The following SDF4 variants were observed in gnomAD, a reference collection of about 807,000 sequenced individuals.
SDF4 encodes the protein stromal cell derived factor 4, also known as 45 kDa calcium-binding protein.
SDF4 carries 22 observed loss-of-function variants against 34.2 expected under a neutral mutation model. The ratio of observed to expected loss-of-function variants is 0.64; its 90% confidence interval spans 0.46 to 0.92. The LOEUF (loss-of-function observed/expected upper bound fraction) is 0.92. SDF4 is among the 40% of genes least tolerant of loss of function. The probability of loss-of-function intolerance (pLI) is 0.00; values close to 1 mark genes in which losing one functional copy is unlikely to be tolerated. For missense variants in SDF4, 447 were observed against 499.9 expected, an observed-to-expected ratio of 0.89 and a Z score of 1.01; for synonymous variants, 236 against 203.1, an observed-to-expected ratio of 1.16 and a Z score of -1.38.
At chr1:1,219,909 T>G in intron 4 of SDF4, 2 of 984,058 alleles carry the variant, frequency 2.0e-6, no homozygotes, top group Non-Finnish European at 2.4e-6. Context: ...TGCCGTCCCA[T>G]CTTATCCCTT....
At chr1:1,219,352 G>A (rs1332385221) in intron 4 of SDF4, 3 of 1,109,738 alleles carry the variant, frequency 2.7e-6, no homozygotes, top group Non-Finnish European at 2.2e-6. Context: ...GACCACCCCA[G>A]GACACAGCTC....
At chr1:1,227,751 G>A (rs1237497979) in intron 2 of SDF4, among the ~76,000 whole-genome samples, 1 of 152,206 alleles carries the variant, frequency 6.6e-6, no homozygotes, top group African/African-American at 2.4e-5. Context: ...TTGTGGGTGA[G>A]TGGTCAGGTT....
At chr1:1,226,762 C>A (rs1282277268) in intron 2 of SDF4, among the ~76,000 whole-genome samples, 3 of 152,220 alleles carry the variant, frequency 2.0e-5, no homozygotes, top group African/African-American at 4.8e-5. Flanking sequence ...GTTACAGGCA[C>A]CAAAAAGAAA....
At chr1:1,220,088 C>A (rs545273953) in intron 4 of SDF4, 22 of 986,756 alleles carry the variant, frequency 2.2e-5, no homozygotes, top group Non-Finnish European at 2.6e-5. Context: ...CCAGACAGGC[C>A]GGCCGAGAGA....
chr1:1,220,901 G>T, intron 4 of SDF4: 1 of 494,822 alleles, frequency 2.0e-6, no homozygotes, highest in Non-Finnish European at 3.6e-6. Context: ...GGACCGGGGT[G>T]GAGGCACGAA....
chr1:1,220,782 C>G (rs1376433888), intron 4 of SDF4: 1 of 1,287,558 alleles, frequency 7.8e-7, no homozygotes, highest in African/African-American at 1.5e-5. Context: ...CAGACACAAT[C>G]AGAGTTGGGG....
chr1:1,228,839 C>A lies in SDF4; in HGVS notation c.-67G>T. ...GGCCAGGTGCTGGGAGGGGCAGGGG[C>A]AGGGGCAGAGGAGGAAGTGAGGTCC... On this transcript the variant is annotated 5_prime_UTR_variant, in exon 2 of 7. Transcript: ENST00000360001. The A allele has an allele frequency of 6.9e-7, 1 of 1,440,488 alleles. No homozygotes were observed. Among genetic ancestry groups the A allele is most frequent in the Non-Finnish European group, 9.4e-7 (1 of 1,066,524 alleles). The allele number at this position is 1,440,488 out of a possible 1,614,324, so 89.2% of individuals were successfully genotyped here.
At position 1,218,660 on chromosome 1, in the gene SDF4, C is replaced by T; in HGVS notation, c.716-27G>A. On this transcript the variant is annotated intron_variant, in intron 5 of 6. Transcript: ENST00000360001. This position sits in a 1 kb window ranked among gnomAD's most constrained non-coding sequence, Gnocchi z 7.9. Reference sequence around the variant, plus strand: ...TGCGAGACGGGAATGGGTCAGCCCACACCCAGGCTGGGGCTCCCGCAGGAC... The same window carrying T: ...TGCGAGACGGGAATGGGTCAGCCCATACCCAGGCTGGGGCTCCCGCAGGAC... 1.2e-6 allele frequency: 2 copies of T among 1,613,152 alleles called. No homozygotes were observed. Among genetic ancestry groups the T allele is most frequent in the Non-Finnish European group, 1.7e-6 (2 of 1,179,608 alleles).
chr1:1,219,684 C>T, intron 4 of SDF4: 2 of 986,442 alleles, frequency 2.0e-6, no homozygotes, highest in Non-Finnish European at 1.2e-6. Flanking sequence ...ACCCCGAGGT[C>T]CCCACACATC....
rs943767553 is a variant in SDF4, at chr1:1,228,346, C to A, written c.305+122G>T. 9.6e-6 allele frequency: 11 copies of A among 1,145,746 alleles called. No homozygotes were observed. The South Asian group carries it at 1.6e-4, about 17-fold the overall frequency. The allele number at this position is 1,145,746 out of a possible 1,614,324, so 71.0% of individuals were successfully genotyped here. On this transcript the variant is annotated intron_variant, in intron 2 of 6. Coordinates refer to ENST00000360001, the MANE Select transcript of SDF4 (RefSeq NM_016176.6). ...GAAGTGGCGCTCATCACCGGCACGT[C>A]TTCCCAGCCCGGCAGGTCCCGACAC...
chr1:1,228,357 G>A lies in SDF4; in HGVS notation c.305+111C>T, dbSNP rs72894051. ...CATCACCGGCACGTCTTCCCAGCCC[G>A]GCAGGTCCCGACACAGGGCCCGGCG... On this transcript the variant is annotated intron_variant, in intron 2 of 6. Coordinates refer to ENST00000360001, the MANE Select transcript of SDF4 (RefSeq NM_016176.6). 534 of 1,225,984 alleles carry A rather than the reference G, an allele frequency of 4.4e-4. 4 individuals are homozygous for A. The African/African-American group carries it at 5.0e-3, about 11-fold the overall frequency. 75.9% of individuals were successfully genotyped at this position (1,225,984 alleles called of 1,614,324 possible).
chr1:1,228,898 G>T lies in SDF4; in HGVS notation c.-126C>A, dbSNP rs1484471895. On this transcript the variant is annotated 5_prime_UTR_variant, in exon 2 of 7. Transcript: ENST00000360001. ...ATCCAATCCCCGGGCACCACGGAGGGCTCTGTGTCCCCAGGACGGCCGCAG... is the reference window on the plus strand; with the variant it reads ...ATCCAATCCCCGGGCACCACGGAGGTCTCTGTGTCCCCAGGACGGCCGCAG... The T allele has an allele frequency of 2.3e-6, 2 of 872,156 alleles. No individual in the cohort carries two copies. Among genetic ancestry groups the T allele is most frequent in the African/African-American group, 3.4e-5 (2 of 59,362 alleles). The allele number at this position is 872,156 out of a possible 1,614,324, so 54.0% of individuals were successfully genotyped here.
chr1:1,222,379 C>T (rs779874415), intron 4 of SDF4, among the ~76,000 whole-genome samples: 2 of 152,214 alleles, frequency 1.3e-5, no homozygotes, highest in Non-Finnish European at 2.9e-5. Context: ...GTGCCGGGCC[C>T]CACCCGGCCC....
chr1:1,228,073 G>C (rs1638369502), intron 2 of SDF4, among the ~76,000 whole-genome samples: 2 of 152,210 alleles, frequency 1.3e-5, no homozygotes, highest in African/African-American at 4.8e-5. Flanking sequence ...GCCACCTGTG[G>C]CAGCCCCTCA....
At chr1:1,221,046 G>A (rs1230836027) in intron 4 of SDF4, 2 of 334,564 alleles carry the variant, frequency 6.0e-6, no homozygotes, top group Non-Finnish European at 1.2e-5. Flanking sequence ...CTTTAGCCCA[G>A]GACTTTGAGA....
chr1:1,228,944 A>G lies in SDF4; in HGVS notation c.-172T>C. 2 of 611,586 alleles carry G rather than the reference A, an allele frequency of 3.3e-6. No homozygotes were observed. The highest frequency in any genetic ancestry group is 5.8e-6 in the Non-Finnish European group (2 of 347,400). The allele number at this position is 611,586 out of a possible 1,614,324, so 37.9% of individuals were successfully genotyped here. A position where few individuals can be genotyped will look rare whatever the true frequency, so the allele number is the denominator to read the frequency against. ...CGCAGGATGGGGACAAGCAGCTCAC[A>G]GTCTGCAGAGAGACACAGACACATC... is the stretch of plus-strand genomic sequence containing the variant. On this transcript the variant is annotated splice_region_variant and 5_prime_UTR_variant, in exon 2 of 7. Transcript: ENST00000360001.
chr1:1,217,605 G>A lies in SDF4; in HGVS notation c.975C>T (p.His325=), dbSNP rs1425950606. The A allele has an allele frequency of 1.2e-6, 2 of 1,613,682 alleles. No individual in the cohort carries two copies. Among genetic ancestry groups the A allele is most frequent in the African/African-American group, 2.7e-5 (2 of 74,928 alleles). The change falls in exon 7 of 7, where the codon CAC becomes CAT. Residue 325 remains histidine, a synonymous_variant. Transcript: ENST00000360001. This position sits in a 1 kb window ranked among gnomAD's most constrained non-coding sequence, Gnocchi z 8.5. The stretch of plus-strand genomic sequence containing the variant: ...TGAGCACCTCCTCGGGCTCCAGGTG[G>A]TGGTTCTGGTTCTCGTCGGCGACGG... The part of the protein sequence containing the change: ...MIAVADENQN[H]HLEPEEVLKY...
chr1:1,223,468 C>G, intron 3 of SDF4, 111 bp from the exon 4 acceptor site: 9 of 831,420 alleles, frequency 1.1e-5, no homozygotes, highest in Non-Finnish European at 1.7e-5. Context: ...AGGATGCCAG[C>G]GTCTGGAGCC....
Position 1,217,408 on chromosome 1 carries a change from G to A in SDF4, c.*104C>T. On this transcript the variant is annotated 3_prime_UTR_variant, in exon 7 of 7. Transcript: ENST00000360001. The surrounding 1 kb of genome is among the most constrained non-coding windows in gnomAD (Gnocchi z 8.5). ...AGCCGCGGTCGGTCGGCCGGTGGCG[G>A]GCGGCAGGGAAGAGGTGGGGTCCGG... 9.6e-7 allele frequency: 1 copy of A among 1,040,164 alleles called. No individual in the cohort carries two copies. Among genetic ancestry groups the A allele is most frequent in the African/African-American group, 1.7e-5 (1 of 58,154 alleles). The allele number at this position is 1,040,164 out of a possible 1,614,324, so 64.4% of individuals were successfully genotyped here. A position where few individuals can be genotyped will look rare whatever the true frequency, so the allele number is the denominator to read the frequency against.
Sources: gnomAD v4.1 joint callset for allele counts (sites outside exome capture counted in the v4.1 genomes callset) on GRCh38, gnomAD v4.1.1 for gene constraint, Gnocchi (gnomAD v3.1) non-coding constraint, MANE v1.5 for transcripts, NCBI Gene and HGNC (gene_info 2026-07-23, HGNC 2026-07-21) for gene names.